Variants in GNAL observed in about 807,000 individuals in gnomAD.
GNAL encodes the protein guanine nucleotide-binding protein G(olf) subunit alpha.
In GNAL, 18 loss-of-function variants were observed where a neutral mutation model predicts 55.1. That is an observed-to-expected ratio of 0.33 (90% CI 0.23 to 0.48). The LOEUF (loss-of-function observed/expected upper bound fraction) is 0.48. Ranked by LOEUF, GNAL falls within the 20% of genes least tolerant of loss-of-function variation. GNAL has a pLI of 0.99. For synonymous variants in GNAL, 253 were observed against 237.0 expected (o/e 1.07, Z -0.62); for missense variants, 412 against 614.1 (o/e 0.67, Z 3.48).
chr18:11,733,779 T>TA (rs778885619), intron 1 of GNAL, among the ~76,000 whole-genome samples: 8 of 151,848 alleles, frequency 5.3e-5, no homozygotes, highest in Non-Finnish European at 1.0e-4. Flanking sequence ...GACGATTACT[T>TA]ACTGGGTACA....
chr18:11,732,461 A>G (rs1021791310), intron 1 of GNAL, among the ~76,000 whole-genome samples: 13 of 151,652 alleles, frequency 8.6e-5, no homozygotes, highest in Admixed American at 5.2e-4. Flanking sequence ...GGTTATTTGT[A>G]TATCTTCTTT....
chr18:11,753,289 A>G (rs908205767), intron 2 of GNAL, among the ~76,000 whole-genome samples: 18 of 152,238 alleles, frequency 1.2e-4, no homozygotes, highest in Non-Finnish European at 2.6e-4. Context: ...TCCATGGGAT[A>G]GATCTAGGTA....
chr18:11,831,076 TG>T (rs2035372222), intron 5 of GNAL, among the ~76,000 whole-genome samples: 1 of 152,168 alleles, frequency 6.6e-6, no homozygotes, highest in South Asian at 2.1e-4. Context: ...TGCACAATTT[TG>T]TGAATATACT....
At chr18:11,792,007 G>C (rs1303783378) in intron 4 of GNAL, among the ~76,000 whole-genome samples, 9 of 152,102 alleles carry the variant, frequency 5.9e-5, no homozygotes, top group Non-Finnish European at 1.5e-5. Flanking sequence ...TTAATTTCCT[G>C]CTAATTTTTT....
chr18:11,733,544 C>T (rs1243570484), intron 1 of GNAL, among the ~76,000 whole-genome samples: 1 of 152,130 alleles, frequency 6.6e-6, no homozygotes, highest in Non-Finnish European at 1.5e-5. Context: ...AGTCCATCAA[C>T]GGATGACTGG....
At chr18:11,836,765 G>A (rs1377303747) in intron 5 of GNAL, among the ~76,000 whole-genome samples, 2 of 152,134 alleles carry the variant, frequency 1.3e-5, no homozygotes, top group Non-Finnish European at 2.9e-5. Context: ...AGTTCACCAA[G>A]CATTCTGTGA....
intron 1 of GNAL, among the ~76,000 whole-genome samples, chr18:11,743,005 C>A (rs1270201461): frequency 6.6e-6 from 1 of 152,252 alleles, no homozygotes; most frequent in Non-Finnish European, 1.5e-5. Flanking sequence ...ATGTGTTCAA[C>A]TACTTGAATC....
chr18:11,851,946 C>G (rs2035880575), intron 5 of GNAL: 6 of 1,613,830 alleles, frequency 3.7e-6, no homozygotes, highest in African/African-American at 1.3e-5. Flanking sequence ...TCACCACTCC[C>G]CAGAACCAAG....
At chr18:11,796,585 AAAAAAAAAAAC>A (rs911934313) in intron 4 of GNAL, among the ~76,000 whole-genome samples, 14 of 149,346 alleles carry the variant, frequency 9.4e-5, no homozygotes, top group African/African-American at 3.5e-4. Context: ...CAAAAAAAAA[AAAAAAAAAAAC>A]AAAACACGCA....
chr18:11,716,521 T>C (rs1311916120), intron 1 of GNAL, among the ~76,000 whole-genome samples: 1 of 152,074 alleles, frequency 6.6e-6, no homozygotes, highest in East Asian at 1.9e-4. Context: ...GCAGCCTGCT[T>C]TTATTCTCTT....
At chr18:11,827,337 G>A (rs9963000) in intron 5 of GNAL, among the ~76,000 whole-genome samples, 46,449 of 152,134 alleles carry the variant, frequency 0.31, 8,498 homozygotes, top group African/African-American at 0.51. Context: ...TCCTGGCCGG[G>A]CATGATGGCT....
At chr18:11,749,472 T>A (rs2032765234) in intron 1 of GNAL, among the ~76,000 whole-genome samples, 1 of 152,270 alleles carries the variant, frequency 6.6e-6, no homozygotes, top group South Asian at 2.1e-4. Flanking sequence ...ATTCACACTT[T>A]GAGCTGGAGT....
chr18:11,831,631 C>G (rs1426415671), intron 5 of GNAL, among the ~76,000 whole-genome samples: 1 of 152,230 alleles, frequency 6.6e-6, no homozygotes, highest in Non-Finnish European at 1.5e-5. Context: ...TCTGTTCTTG[C>G]CTTCAGGCGT....
chr18:11,793,913 A>G lies in GNAL; in HGVS notation c.625-31005A>G, dbSNP rs539591617. Among the ~76,000 whole-genome samples the G allele has an allele frequency of 8.5e-3, 1,092 of 128,756 alleles. 8 individuals are homozygous for G. The highest frequency in any genetic ancestry group is 0.034 in the African/African-American group (1,023 of 30,482). 84.5% of individuals were successfully genotyped at this position (128,756 alleles called of 152,430 possible). ...GCGACAGTGAGACTCCATCTCGGGAAAAAAAAAAAAAAAAAAGGACAAAGG... is the reference window on the plus strand; with the variant it reads ...GCGACAGTGAGACTCCATCTCGGGAGAAAAAAAAAAAAAAAAGGACAAAGG... On this transcript the variant is annotated intron_variant, in intron 4 of 11. Transcript: ENST00000334049.
intron 4 of GNAL, among the ~76,000 whole-genome samples, chr18:11,763,210 C>G (rs2033299562): frequency 6.6e-6 from 1 of 152,160 alleles, no homozygotes; most frequent in African/African-American, 2.4e-5. Context: ...TCATCGATAG[C>G]TAATGTGTGG....
intron 4 of GNAL, among the ~76,000 whole-genome samples, chr18:11,762,102 CAG>C (rs2033262979): frequency 6.6e-6 from 1 of 152,126 alleles, no homozygotes; most frequent in South Asian, 2.1e-4. Context: ...CAGCTGAGGA[CAG>C]GGAGGCACAG....
Position 11,876,961 on chromosome 18 carries a change from CTTG to C in GNAL, c.1230+278_1230+280del, listed in dbSNP as rs1293800674. Reference sequence around the variant, plus strand: ...ACTTGGATGGGCTAGACTTCATTCACTTGTTGTATTTTCCAAAAAGGACAGCGT... The same window carrying C: ...ACTTGGATGGGCTAGACTTCATTCACTTGTATTTTCCAAAAAGGACAGCGT... On this transcript the variant is annotated intron_variant, in intron 11 of 11. Transcript: ENST00000334049. Among the ~76,000 whole-genome samples the C allele has an allele frequency of 3.9e-5, 6 of 152,296 alleles. No homozygotes were observed. The South Asian group carries it at 6.2e-4, about 16-fold the overall frequency.
chr18:11,867,770 C>T (rs941032035), intron 8 of GNAL, among the ~76,000 whole-genome samples: 2 of 150,820 alleles, frequency 1.3e-5, no homozygotes, highest in African/African-American at 2.4e-5. Flanking sequence ...GCTGAGATCG[C>T]ACCACTGCAG....
chr18:11,876,539 G>A lies in GNAL; in HGVS notation c.1163-82G>A, dbSNP rs113846295. 5.3e-5 allele frequency: 46 copies of A among 867,706 alleles called. 1 individual carries two copies. Among genetic ancestry groups the A allele is most frequent in the Middle Eastern group, 4.4e-4 (2 of 4,592 alleles). The allele number at this position is 867,706 out of a possible 1,614,324, so 53.8% of individuals were successfully genotyped here. On this transcript the variant is annotated intron_variant, in intron 10 of 11. Transcript: ENST00000334049. ...TGCTGGGAATATACAGCAGTCTAACGTTGAAATTCCTTCTGTGTTTTCGTA... is the reference window on the plus strand; with the variant it reads ...TGCTGGGAATATACAGCAGTCTAACATTGAAATTCCTTCTGTGTTTTCGTA...
Sources: gnomAD v4.1 joint callset for allele counts (sites outside exome capture counted in the v4.1 genomes callset) on GRCh38, gnomAD v4.1.1 for gene constraint, MANE v1.5 for transcripts, NCBI Gene and HGNC (gene_info 2026-07-23, HGNC 2026-07-21) for gene names.